The following LARGE1 variants were observed in gnomAD, a reference collection of about 807,000 sequenced individuals.
The protein encoded by LARGE1 is LARGE xylosyl- and glucuronyltransferase 1.
LARGE1 carries 43 observed loss-of-function variants against 87.6 expected under a neutral mutation model. The observed-to-expected ratio is 0.49, with a 90% CI of 0.38 to 0.63. LARGE1 has a LOEUF of 0.63. Ranked by LOEUF, LARGE1 falls within the 30% of genes least tolerant of loss-of-function variation. The probability of loss-of-function intolerance (pLI) is 0.00; values close to 1 mark genes in which losing one functional copy is unlikely to be tolerated. For synonymous variants in LARGE1, 434 were observed against 394.6 expected (o/e 1.10, Z -1.18); for missense variants, 802 against 1,000.2 (o/e 0.80, Z 2.67).
intron 6 of LARGE1, among the ~76,000 whole-genome samples, chr22:33,463,237 A>G (rs1291913469): frequency 6.6e-6 from 1 of 152,110 alleles, no homozygotes; most frequent in Non-Finnish European, 1.5e-5. Flanking sequence ...CCAACTATAT[A>G]TCATTTAAAA....
chr22:33,495,499 T>C (rs1268162595), intron 6 of LARGE1, among the ~76,000 whole-genome samples: 1 of 152,154 alleles, frequency 6.6e-6, no homozygotes, highest in African/African-American at 2.4e-5. Flanking sequence ...GGCGGGCTGA[T>C]CACAAGGTCA....
At chr22:33,131,792 C>A in the LARGE1 span, among the ~76,000 whole-genome samples, 2 of 151,416 alleles carry the variant, frequency 1.3e-5, no homozygotes, top group African/African-American at 4.9e-5. Context: ...ACAGCCAAAC[C>A]GTATCACCTC....
At chr22:33,836,953 G>C (rs1449818718) in intron 1 of LARGE1, among the ~76,000 whole-genome samples, 2 of 152,124 alleles carry the variant, frequency 1.3e-5, no homozygotes, top group African/African-American at 4.8e-5. Context: ...AGAACGAAAA[G>C]GGAGATGGGT....
chr22:33,294,354 T>A (rs1932952802), intron 12 of LARGE1, among the ~76,000 whole-genome samples: 1 of 152,166 alleles, frequency 6.6e-6, no homozygotes, highest in Non-Finnish European at 1.5e-5. Context: ...TTCTGCAGCA[T>A]CAAATGTCAG....
chr22:33,409,589 TTAA>T (rs71187263), intron 7 of LARGE1, among the ~76,000 whole-genome samples: 3 of 151,770 alleles, frequency 2.0e-5, no homozygotes, highest in South Asian at 2.1e-4. Flanking sequence ...TTATGCACAG[TTAA>T]TAATAATAAT....
intron 6 of LARGE1, among the ~76,000 whole-genome samples, chr22:33,505,449 G>A (rs762386115): frequency 2.0e-5 from 3 of 152,216 alleles, no homozygotes; most frequent in Non-Finnish European, 4.4e-5. Flanking sequence ...CTAGAAGGGA[G>A]GCAGAGACTG....
At chr22:33,093,819 TTTC>T in the LARGE1 span, among the ~76,000 whole-genome samples, 4 of 126,002 alleles carry the variant, frequency 3.2e-5, no homozygotes, top group Non-Finnish European at 6.3e-5. Flanking sequence ...TTTTTCTTTC[TTTC>T]TTTTTTTTTT....
chr22:33,614,110 T>A (rs1158502599), intron 4 of LARGE1, among the ~76,000 whole-genome samples: 1 of 152,114 alleles, frequency 6.6e-6, no homozygotes, highest in African/African-American at 2.4e-5. Context: ...GGTTCTGTCA[T>A]GAACAAATGT....
At chr22:33,661,523 AT>A (rs577392764) in intron 2 of LARGE1, among the ~76,000 whole-genome samples, 2,875 of 146,526 alleles carry the variant, frequency 0.02, 71 homozygotes, top group African/African-American at 0.058. Context: ...CATTTCTGTG[AT>A]TTTTTTTTTT....
chr22:33,219,295 A>G (rs928011823), intron 11 of LARGE1, among the ~76,000 whole-genome samples: 1 of 152,216 alleles, frequency 6.6e-6, no homozygotes, highest in African/African-American at 2.4e-5. Flanking sequence ...TTCACCACGA[A>G]GCCAGTGTCT....
intron 5 of LARGE1, among the ~76,000 whole-genome samples, chr22:33,589,070 C>T (rs2078760771): frequency 6.6e-6 from 1 of 152,232 alleles, no homozygotes; most frequent in South Asian, 2.1e-4. Flanking sequence ...CAACATTACA[C>T]CTCCAGGCTT....
intron 2 of LARGE1, among the ~76,000 whole-genome samples, chr22:33,665,575 G>A (rs1292428900): frequency 6.6e-6 from 1 of 152,138 alleles, no homozygotes; most frequent in Non-Finnish European, 1.5e-5. Context: ...TCTCTGAAAC[G>A]GGTTTATTGT....
chr22:33,168,417 A>G (rs1922388510), intron 11 of LARGE1, among the ~76,000 whole-genome samples: 1 of 152,244 alleles, frequency 6.6e-6, no homozygotes, highest in Admixed American at 6.5e-5. Context: ...CCTTGTGCTG[A>G]ACCACAGGTT....
chr22:33,801,673 T>G (rs1011603721), intron 1 of LARGE1, among the ~76,000 whole-genome samples: 1 of 152,156 alleles, frequency 6.6e-6, no homozygotes, highest in Admixed American at 6.6e-5. Flanking sequence ...CTTAACAGAT[T>G]CTCCTACAAA....
At chr22:33,444,630 G>A (rs570885854) in intron 6 of LARGE1, among the ~76,000 whole-genome samples, 1 of 152,156 alleles carries the variant, frequency 6.6e-6, no homozygotes, top group Non-Finnish European at 1.5e-5. Flanking sequence ...TTCAAGCCAG[G>A]ACTTACTAAA....
At chr22:33,425,424 C>G (rs2066843177) in intron 7 of LARGE1, among the ~76,000 whole-genome samples, 1 of 152,170 alleles carries the variant, frequency 6.6e-6, no homozygotes, top group African/African-American at 2.4e-5. Context: ...ACTTCCCAGG[C>G]TCCAGAACTG....
intron 6 of LARGE1, among the ~76,000 whole-genome samples, chr22:33,493,235 G>A (rs1200409412): frequency 2.1e-5 from 3 of 144,566 alleles, no homozygotes; most frequent in South Asian, 4.4e-4. Context: ...ATCTCGGCTC[G>A]CTGCAACCTT....
chr22:33,338,120 G>A (rs571673577), intron 9 of LARGE1, among the ~76,000 whole-genome samples: 1 of 152,210 alleles, frequency 6.6e-6, no homozygotes, highest in African/African-American at 2.4e-5. Context: ...AAGATGTGAT[G>A]CTTAGGCCAC....
chr22:33,917,420 C>T (rs935664277), intron 1 of LARGE1, among the ~76,000 whole-genome samples: 5 of 152,168 alleles, frequency 3.3e-5, no homozygotes, highest in African/African-American at 1.2e-4. Flanking sequence ...AAAGTGCAGA[C>T]AGCGTCTGAG....
Sources: allele counts gnomAD v4.1 joint callset (sites outside exome capture counted in the v4.1 genomes callset), GRCh38; gene constraint gnomAD v4.1.1; transcripts MANE v1.5; gene names NCBI Gene and HGNC (gene_info 2026-07-23, HGNC 2026-07-21).